Variants in CNGB1 observed in about 807,000 individuals in gnomAD.
CNGB1 encodes cyclic nucleotide-gated channel beta-1.
A neutral mutation model predicts 151.7 loss-of-function variants in CNGB1; 126 were observed. The ratio of observed to expected loss-of-function variants is 0.83; its 90% CI spans 0.72 to 0.96. The LOEUF (loss-of-function observed/expected upper bound fraction) is 0.96. Ranked by LOEUF, CNGB1 falls within the 40% of genes least tolerant of loss-of-function variation. The probability of loss-of-function intolerance (pLI) is 0.00; values close to 1 mark genes in which losing one functional copy is unlikely to be tolerated. For synonymous variants in CNGB1, 623 were observed against 635.1 expected, an observed-to-expected ratio of 0.98 and a Z score of 0.29; for missense variants, 1,698 against 1,627.0, an observed-to-expected ratio of 1.04 and a Z score of -0.75.
In CNGB1 at chr16:57,965,403, G is replaced by A. The variant is rs117613647; in HGVS notation, c.160-859C>T. ...TGCATTCATACAGATACATACATGC[G>A]TATAACTGCCTGTGTACAGACACAC... On this transcript the variant is annotated intron_variant, in intron 2 of 32. Coordinates refer to ENST00000251102, the MANE Select transcript of CNGB1 (RefSeq NM_001297.5). Among the ~76,000 whole-genome samples, 58 of 152,256 alleles carry A rather than the reference G, an allele frequency of 3.8e-4. 2 individuals carry two copies. The East Asian group carries it at 7.9e-3, about 21-fold the overall frequency.
intron 16 of CNGB1, among the ~76,000 whole-genome samples, chr16:57,936,799 C>CAAAAAA (rs11400925): frequency 3.1e-5 from 4 of 128,722 alleles, no homozygotes; most frequent in African/African-American, 1.1e-4. Flanking sequence ...AACAAACAAA[C>CAAAAAA]AAAAAAAAAA....
rs376293844 is a variant in CNGB1, at chr16:57,960,014, G to A, written c.635C>T (p.Thr212Ile). 138 of 1,578,396 alleles carry A rather than the reference G, an allele frequency of 8.7e-5. No homozygotes were observed. The African/African-American group carries it at 1.7e-3, about 19-fold the overall frequency. Reference sequence around the variant, plus strand: ...GGGGATGGGTGTGGGCAGGGAGGGGGTCTCCCGGGCCTGCAGCTTGGGCCC... The same window carrying A: ...GGGGATGGGTGTGGGCAGGGAGGGGATCTCCCGGGCCTGCAGCTTGGGCCC... ...EMGPKLQARE[T>I]PSLPTPIPLQ... The change falls in exon 10 of 33, where the codon ACC becomes ATC. Residue 212 changes from threonine to isoleucine, a missense_variant. Transcript: ENST00000251102.
At chr16:57,912,110 ATG>A (rs3842348) in intron 24 of CNGB1, among the ~76,000 whole-genome samples, 18,858 of 150,932 alleles carry the variant, frequency 0.12, 2,899 homozygotes, top group African/African-American at 0.37. Context: ...CAGAGGGGAA[ATG>A]TGTGTGTGTG....
chr16:57,904,079 G>C (rs1369215548), intron 26 of CNGB1, 98 bp from the exon 27 acceptor site: 2 of 1,124,820 alleles, frequency 1.8e-6, no homozygotes, highest in African/African-American at 3.0e-5. Context: ...ACAGACCACG[G>C]GCATGTGCTC....
intron 17 of CNGB1, among the ~76,000 whole-genome samples, chr16:57,927,206 A>G (rs531161022): frequency 6.6e-6 from 1 of 152,276 alleles, no homozygotes; most frequent in African/African-American, 2.4e-5. Flanking sequence ...ATGGAGGCCT[A>G]GGGAGGTTAA....
At chr16:57,940,452 C>T in intron 14 of CNGB1, 131 bp from the exon 15 acceptor site, 2 of 790,576 alleles carry the variant, frequency 2.5e-6, no homozygotes, top group South Asian at 3.3e-5. Flanking sequence ...CCAGTCTCAA[C>T]CTCAGGAGCC....
At chr16:57,906,329 C>T (rs376450555) in intron 25 of CNGB1, among the ~76,000 whole-genome samples, 1 of 152,238 alleles carries the variant, frequency 6.6e-6, no homozygotes, top group South Asian at 2.1e-4. Flanking sequence ...GGTGGACTCT[C>T]AGCAAGGGAG....
In CNGB1 at chr16:57,893,734, A is replaced by T. The variant is rs1484144685; in HGVS notation, c.3242+3663T>A. Among the ~76,000 whole-genome samples the T allele has an allele frequency of 2.6e-5, 4 of 152,238 alleles. No individual in the cohort carries two copies. The South Asian group carries it at 8.3e-4, about 32-fold the overall frequency. On this transcript the variant is annotated intron_variant, in intron 31 of 32. Transcript: ENST00000251102. ...GAGAATCGAATTGTTTGAACCCAGG[A>T]GGCAGAGGTTACAGTGAGCCAGGAT...
intron 30 of CNGB1, 121 bp downstream of exon 30, chr16:57,897,675 G>C (rs1413915290): frequency 6.7e-7 from 1 of 1,499,420 alleles, no homozygotes; most frequent in Non-Finnish European, 9.3e-7. Flanking sequence ...CCCCATCCCC[G>C]CATACATCAG....
intron 17 of CNGB1, among the ~76,000 whole-genome samples, chr16:57,925,880 G>T (rs556198947): frequency 6.6e-6 from 1 of 152,160 alleles, no homozygotes; most frequent in East Asian, 1.9e-4. Flanking sequence ...TAGAGACAGG[G>T]TTTCACCATA....
chr16:57,966,976 C>G, intron 2 of CNGB1, 152 bp downstream of exon 2: 4 of 1,023,660 alleles, frequency 3.9e-6, no homozygotes, highest in Non-Finnish European at 5.8e-6. Flanking sequence ...TGAGTTTTCT[C>G]ACTCGAACAA....
chr16:57,885,212 G>A (rs536370917), intron 32 of CNGB1, among the ~76,000 whole-genome samples: 14 of 152,350 alleles, frequency 9.2e-5, no homozygotes, highest in Non-Finnish European at 1.8e-4. Context: ...CCCAGAGGAG[G>A]CCAGGATGGT....
intron 14 of CNGB1, among the ~76,000 whole-genome samples, chr16:57,944,035 A>T (rs568067643): frequency 6.6e-6 from 1 of 151,860 alleles, no homozygotes; most frequent in African/African-American, 2.4e-5. Flanking sequence ...GTACAGGCCC[A>T]TGTTACCACA....
At position 57,915,290 on chromosome 16, in the gene CNGB1, C is replaced by G. The variant is rs1960834615; in HGVS notation, c.2263G>C (p.Val755Leu). ...LLPLDFLYLKVGVNPLLRLPR... is the reference protein window; with the variant it reads ...LLPLDFLYLKLGVNPLLRLPR... ...AGGCGGAGGAGGGGGTTCACACCGA[C>G]TTTCAAATAGAGAAAATCCAAGGGC... Residue 755 changes from valine to leucine, a missense_variant, in exon 23 of 33, where the codon GTC becomes CTC. Physicochemically the swap from Val to Leu is conservative, Grantham distance 32. Coordinates refer to ENST00000251102, the MANE Select transcript of CNGB1 (RefSeq NM_001297.5). The G allele has an allele frequency of 1.2e-6, 2 of 1,614,060 alleles. No individual in the cohort carries two copies. The highest frequency in any genetic ancestry group is 1.7e-6 in the Non-Finnish European group (2 of 1,179,962).
intron 16 of CNGB1, among the ~76,000 whole-genome samples, chr16:57,936,453 A>G (rs908319055): frequency 6.6e-6 from 1 of 152,238 alleles, no homozygotes; most frequent in Non-Finnish European, 1.5e-5. Flanking sequence ...TTTTACCTGT[A>G]TAAAAACAAT....
chr16:57,917,444 C>T lies in CNGB1; in HGVS notation c.1990G>A (p.Val664Met), dbSNP rs1315984886. The change falls in exon 21 of 33, where the codon GTG (valine) becomes ATG (methionine). Residue 664 changes from valine (V) to methionine (M), a missense_variant. Transcript: ENST00000251102. ...LMYVLWLFFV[V>M]MAWNWNCWLI... Reference sequence around the variant, plus strand: ...CAACAGTTCCAATTCCAGGCCATCACCACGAAGAACAGCCATAGGACATAC... The same window carrying T: ...CAACAGTTCCAATTCCAGGCCATCATCACGAAGAACAGCCATAGGACATAC... 3 of 1,613,926 alleles carry T rather than the reference C, an allele frequency of 1.9e-6. No individual in the cohort carries two copies. In the Admixed American group the frequency reaches 5.0e-5, roughly 27 times the overall value.
chr16:57,885,305 C>T (rs1216789573), intron 32 of CNGB1, among the ~76,000 whole-genome samples: 1 of 152,020 alleles, frequency 6.6e-6, no homozygotes, highest in Non-Finnish European at 1.5e-5. Flanking sequence ...GAGAGACCTG[C>T]GCCATTTGCT....
intron 11 of CNGB1, 132 bp downstream of exon 11, chr16:57,958,278 G>A (rs551966198): frequency 1.8e-5 from 14 of 773,930 alleles, no homozygotes; most frequent in East Asian, 1.6e-4. Flanking sequence ...TGGAATGAAC[G>A]TGGGCCATGC....
At chr16:57,949,136 G>GA (rs1317998001) in intron 14 of CNGB1, among the ~76,000 whole-genome samples, 1 of 152,018 alleles carries the variant, frequency 6.6e-6, no homozygotes, top group Non-Finnish European at 1.5e-5. Flanking sequence ...GTGTGTGTGG[G>GA]GGGGGATGTG....
Sources: gnomAD v4.1 joint callset for allele counts (sites outside exome capture counted in the v4.1 genomes callset) on GRCh38, gnomAD v4.1.1 for gene constraint, MANE v1.5 for transcripts, NCBI Gene and HGNC (gene_info 2026-07-23, HGNC 2026-07-21) for gene names.